Variants in RPL35A observed in about 807,000 individuals in gnomAD.
RPL35A encodes the protein large ribosomal subunit protein eL33.
A neutral mutation model predicts 16.7 loss-of-function variants in RPL35A; 1 was observed. That is an observed-to-expected ratio of 0.06 (90% CI 0.02 to 0.28). The LOEUF (loss-of-function observed/expected upper bound fraction) is 0.28, where lower values mean the gene tolerates loss of function less well. Ranked by LOEUF, RPL35A falls within the 10% of genes least tolerant of loss-of-function variation. RPL35A has a pLI of 1.00. For synonymous variants in RPL35A, 58 were observed against 47.0 expected, an observed-to-expected ratio of 1.23 and a Z score of -0.96; for missense variants, 91 against 138.7, an observed-to-expected ratio of 0.66 and a Z score of 1.73.
At chr3:197,954,411 G>A (rs1720369455) in intron 4 of RPL35A, 1 of 500,248 alleles carries the variant, frequency 2.0e-6, no homozygotes, top group Non-Finnish European at 3.6e-6. Flanking sequence ...ACAGCTTATT[G>A]CAGCCTCGAC....
chr3:197,953,722 A>C, intron 3 of RPL35A: 1 of 502,168 alleles, frequency 2.0e-6, no homozygotes, highest in South Asian at 2.0e-5. Context: ...CTATTTTTTC[A>C]ATATTGCCTC....
chr3:197,950,402 ACCCGGAGAACGGCTG>A, intron 1 of RPL35A, 181 bp downstream of exon 1: 1 of 1,076,144 alleles, frequency 9.3e-7, no homozygotes, highest in South Asian at 4.5e-5. Flanking sequence ...GTCCCCTGAC[ACCCGGAGAACGGCTG>A]CCCGGGTTAT....
intron 4 of RPL35A, chr3:197,954,396 T>A (rs1216682225): frequency 1.7e-5 from 9 of 538,086 alleles, no homozygotes; most frequent in Non-Finnish European, 3.0e-5. Flanking sequence ...TGCAGTGGCA[T>A]AATCACAGCT....
rs1553810821 is a variant in RPL35A, at chr3:197,952,163, T to TTTG, written c.164+854_164+855insGTT. Among the ~76,000 whole-genome samples, 172 of 44,118 alleles carry TTTG rather than the reference T, an allele frequency of 3.9e-3. 3 individuals carry two copies. Among genetic ancestry groups the TTTG allele is most frequent in the South Asian group, 0.027 (35 of 1,306 alleles). The allele number at this position is 44,118 out of a possible 152,430, so 28.9% of individuals were successfully genotyped here. A position where few individuals can be genotyped will look rare whatever the true frequency, so the allele number is the denominator to read the frequency against. On this transcript the variant is annotated intron_variant, in intron 3 of 4. Coordinates refer to ENST00000647248, the MANE Select transcript of RPL35A (RefSeq NM_000996.4). Reference sequence around the variant, plus strand: ...TTTGTTAATGCCTTAAAATTATGGGTTTTTTTTTTTTTTTTTTTTTTTTTT... The same window carrying TTTG: ...TTTGTTAATGCCTTAAAATTATGGGTTTGTTTTTTTTTTTTTTTTTTTTTTTTT...
chr3:197,950,866 T>G, intron 1 of RPL35A, 70 bp from the exon 2 acceptor site: 2 of 1,479,540 alleles, frequency 1.4e-6, no homozygotes. Flanking sequence ...TTTAGGGGCT[T>G]AAACGAGAGG....
intron 4 of RPL35A, among the ~76,000 whole-genome samples, chr3:197,955,173 C>T (rs1211968139): frequency 6.6e-6 from 1 of 152,084 alleles, no homozygotes; most frequent in Non-Finnish European, 1.5e-5. Context: ...CTGTTGAACC[C>T]TGCTAAGTGG....
chr3:197,953,939 TC>T, intron 3 of RPL35A, 63 bp from the exon 4 acceptor site: 6 of 1,573,032 alleles, frequency 3.8e-6, no homozygotes, highest in Non-Finnish European at 5.2e-6. Flanking sequence ...CGTGTAGAGG[TC>T]ACCTTGAATT....
At chr3:197,950,495 G>A in intron 1 of RPL35A, 1 of 347,722 alleles carries the variant, frequency 2.9e-6, no homozygotes. Context: ...TGTCCATGAG[G>A]CAGTGCTTCC....
chr3:197,950,958 A>T lies in RPL35A; in HGVS notation c.-10A>T, dbSNP rs1720019108. 6.2e-7 allele frequency: 1 copy of T among 1,614,140 alleles called. No homozygotes were observed. The highest frequency in any genetic ancestry group is 1.7e-5 in the Admixed American group (1 of 60,020). The stretch of plus-strand genomic sequence containing the variant: ...AAGGCCTGCTGGGAACGGGACTTCT[A>T]AAAGGAACTATGTCTGGAAGGTACG... On this transcript the variant is annotated 5_prime_UTR_variant, in exon 2 of 5. Coordinates refer to ENST00000647248, the MANE Select transcript of RPL35A (RefSeq NM_000996.4).
chr3:197,954,029 C>A lies in RPL35A; in HGVS notation c.191C>A (p.Pro64Gln). 1 of 1,613,478 alleles carries A rather than the reference C, an allele frequency of 6.2e-7. No individual in the cohort carries two copies. The highest frequency in any genetic ancestry group is 2.2e-5 in the East Asian group (1 of 44,890). Residue 64 changes from proline to glutamine, a missense_variant, in exon 4 of 5, where the codon CCA becomes CAA. Pro to Gln is a moderately conservative substitution (Grantham distance 76). Coordinates refer to ENST00000647248, the MANE Select transcript of RPL35A (RefSeq NM_000996.4). ...KNNTVTPGGK[P>Q]NKTRVIWGKV... is the part of the protein sequence containing the mutation. Reference sequence around the variant, plus strand: ...AACACAGTCACTCCTGGCGGCAAACCAAACAAAACCAGAGTCATCTGGGGA... The same window carrying A: ...AACACAGTCACTCCTGGCGGCAAACAAAACAAAACCAGAGTCATCTGGGGA...
intron 1 of RPL35A, chr3:197,950,478 G>C (rs7644053): frequency 0.056 from 24,044 of 426,926 alleles, 922 homozygotes; most frequent in African/African-American, 0.13. Flanking sequence ...TTTTGTTCGT[G>C]TGCAGTTGTC....
intron 4 of RPL35A, among the ~76,000 whole-genome samples, chr3:197,954,964 C>G (rs1720415172): frequency 6.6e-6 from 1 of 152,170 alleles, no homozygotes; most frequent in Admixed American, 6.6e-5. Context: ...TTATTTTGTA[C>G]ATGAAGAAAA....
intron 3 of RPL35A, among the ~76,000 whole-genome samples, chr3:197,953,145 C>T (rs981294529): frequency 6.6e-6 from 1 of 152,250 alleles, no homozygotes; most frequent in Non-Finnish European, 1.5e-5. Flanking sequence ...TTCACCCACT[C>T]CAAGCCAATT....
intron 3 of RPL35A, among the ~76,000 whole-genome samples, chr3:197,951,923 G>C (rs1720129184): frequency 6.6e-6 from 1 of 151,988 alleles, no homozygotes; most frequent in South Asian, 2.1e-4. Flanking sequence ...GATTGGTATT[G>C]CTGTGGCTTC....
chr3:197,951,407 G>T, intron 3 of RPL35A, 96 bp downstream of exon 3: 2 of 1,353,004 alleles, frequency 1.5e-6, no homozygotes, highest in South Asian at 2.3e-5. Flanking sequence ...AGGCTGGAAT[G>T]CAGTGACTTG....
chr3:197,951,432 A>G (rs2109805445), intron 3 of RPL35A, 121 bp downstream of exon 3: 1 of 1,073,222 alleles, frequency 9.3e-7, no homozygotes, highest in East Asian at 2.4e-5. Context: ...CCCTCACCGA[A>G]ACCTCCGCCT....
At chr3:197,953,640 C>T (rs1720300650) in intron 3 of RPL35A, 1 of 442,104 alleles carries the variant, frequency 2.3e-6, no homozygotes, top group Admixed American at 2.6e-5. Context: ...TGAGACCTTC[C>T]TTGGCTATTT....
At chr3:197,950,589 T>C in intron 1 of RPL35A, 1 of 363,212 alleles carries the variant, frequency 2.8e-6, no homozygotes, top group Non-Finnish European at 5.0e-6. Context: ...AGCCATTGCA[T>C]AAAAGTCTTA....
chr3:197,952,873 C>T (rs1442754371), intron 3 of RPL35A, among the ~76,000 whole-genome samples: 4 of 151,362 alleles, frequency 2.6e-5, no homozygotes, highest in African/African-American at 9.7e-5. Flanking sequence ...TGCTCTGTTG[C>T]CCAGGCTGGA....
Sources: allele counts gnomAD v4.1 joint callset (sites outside exome capture counted in the v4.1 genomes callset), GRCh38; gene constraint gnomAD v4.1.1; transcripts MANE v1.5; gene names NCBI Gene and HGNC (gene_info 2026-07-23, HGNC 2026-07-21).